Variants in ARHGEF26 observed in about 807,000 individuals in gnomAD.
ARHGEF26 encodes Rho guanine nucleotide exchange factor (GEF) 26.
ARHGEF26 carries 59 observed loss-of-function variants against 89.4 expected under a neutral mutation model. That is an observed-to-expected ratio of 0.66 (90% CI 0.54 to 0.82). The LOEUF is 0.82. ARHGEF26 is among the 40% of genes least tolerant of loss of function. ARHGEF26 has a pLI of 0.00. For synonymous variants in ARHGEF26, 500 were observed against 428.4 expected (o/e 1.17, Z -2.06); for missense variants, 1,234 against 1,085.6 (o/e 1.14, Z -1.92).
intron 6 of ARHGEF26, among the ~76,000 whole-genome samples, chr3:154,183,683 T>C (rs150724121): frequency 6.6e-6 from 1 of 152,350 alleles, no homozygotes; most frequent in Non-Finnish European, 1.5e-5. Flanking sequence ...ATTATGTCAA[T>C]GTAAAAATAA....
intron 4 of ARHGEF26, among the ~76,000 whole-genome samples, chr3:154,146,750 C>T (rs982017853): frequency 1.3e-5 from 2 of 152,110 alleles, no homozygotes; most frequent in African/African-American, 4.8e-5. Context: ...CATGTCAAAA[C>T]TGTAGTATTG....
intron 11 of ARHGEF26, among the ~76,000 whole-genome samples, chr3:154,237,712 A>G (rs1416255237): frequency 6.6e-6 from 1 of 152,194 alleles, no homozygotes; most frequent in Non-Finnish European, 1.5e-5. Flanking sequence ...TGATGACTTT[A>G]TAGCATATTC....
At chr3:154,206,516 A>G (rs1169121208) in intron 9 of ARHGEF26, among the ~76,000 whole-genome samples, 2 of 152,146 alleles carry the variant, frequency 1.3e-5, no homozygotes, top group African/African-American at 4.8e-5. Context: ...ATTCATAATT[A>G]ACACAAAAAG....
chr3:154,205,491 T>G (rs1376641246), intron 9 of ARHGEF26, among the ~76,000 whole-genome samples: 1 of 152,154 alleles, frequency 6.6e-6, no homozygotes, highest in Admixed American at 6.6e-5. Flanking sequence ...ATTAGAGAGT[T>G]TAGTCCATTT....
chr3:154,220,756 G>GA (rs1716076993), intron 10 of ARHGEF26, among the ~76,000 whole-genome samples: 1 of 151,976 alleles, frequency 6.6e-6, no homozygotes, highest in African/African-American at 2.4e-5. Flanking sequence ...CAGCAATGGG[G>GA]AAAGGCTTTT....
Position 154,255,343 on chromosome 3 carries a change from G to T in ARHGEF26, c.2486G>T (p.Gly829Val). Residue 829 changes from glycine (G) to valine (V), a missense_variant, in exon 15 of 15, where the codon GGG (glycine) becomes GTG (valine). Transcript: ENST00000465093. ...YQRVSDGWYE[G>V]ERLRDGERGW... ...TTCTTTTTCACAGGCTGGTATGAGG[G>T]GGAACGACTACGAGATGGAGAAAGA... is the stretch of plus-strand genomic sequence containing the variant. 6.2e-7 allele frequency: 1 copy of T among 1,613,066 alleles called. No homozygotes were observed. Among genetic ancestry groups the T allele is most frequent in the African/African-American group, 1.3e-5 (1 of 74,884 alleles).
chr3:154,167,812 A>G lies in ARHGEF26; in HGVS notation c.1487+14880A>G, dbSNP rs532899337. Among the ~76,000 whole-genome samples, 7 of 152,318 alleles carry G rather than the reference A, an allele frequency of 4.6e-5. No homozygotes were observed. In the East Asian group the frequency reaches 1.3e-3, roughly 29 times the overall value. On this transcript the variant is annotated intron_variant, in intron 6 of 14. Coordinates refer to ENST00000465093, the MANE Select transcript of ARHGEF26 (RefSeq NM_015595.4). ...CCTGTCAATTTATTTAGCTTACGGA[A>G]AAGTCATCTGATCTATACTTCAGGT...
intron 3 of ARHGEF26, among the ~76,000 whole-genome samples, chr3:154,128,360 C>T (rs1287737970): frequency 1.3e-5 from 2 of 152,050 alleles, no homozygotes; most frequent in African/African-American, 4.8e-5. Context: ...GCCTCAGCCT[C>T]CCGAGTAGCT....
At chr3:154,198,831 T>C (rs1199275142) in intron 9 of ARHGEF26, among the ~76,000 whole-genome samples, 2 of 151,960 alleles carry the variant, frequency 1.3e-5, no homozygotes, top group Non-Finnish European at 2.9e-5. Flanking sequence ...CTAAAGAACT[T>C]CTCCATGGAA....
chr3:154,149,140 G>C (rs1207639490), intron 4 of ARHGEF26, among the ~76,000 whole-genome samples: 1 of 152,178 alleles, frequency 6.6e-6, no homozygotes, highest in East Asian at 1.9e-4. Flanking sequence ...AACAGTATCA[G>C]CTTTCTAGAG....
intron 6 of ARHGEF26, among the ~76,000 whole-genome samples, chr3:154,175,974 C>T (rs1328009382): frequency 6.6e-6 from 1 of 152,174 alleles, no homozygotes; most frequent in East Asian, 1.9e-4. Flanking sequence ...GTTATTAGCA[C>T]AGGTGCCAGG....
intron 9 of ARHGEF26, among the ~76,000 whole-genome samples, chr3:154,210,222 C>T (rs958360357): frequency 2.0e-5 from 3 of 152,086 alleles, no homozygotes; most frequent in African/African-American, 7.2e-5. Context: ...CCCCAGGAGC[C>T]TGCTTGGTGT....
chr3:154,240,391 T>C lies in ARHGEF26; in HGVS notation c.2112T>C (p.Asn704=). 6.2e-7 allele frequency: 1 copy of C among 1,610,386 alleles called. No individual in the cohort carries two copies. Residue 704 remains asparagine, a synonymous_variant, in exon 12 of 15, where the codon AAT becomes AAC. Transcript: ENST00000465093. The part of the protein sequence containing the change: ...KKKSEESYNV[N]DYSLRDQLLV... ...ACAGTGAAGAAAGTTACAACGTCAA[T>C]GATTATTCCTTAAGAGATCAGCTAT...
At chr3:154,189,452 C>G (rs1713811919) in intron 7 of ARHGEF26, among the ~76,000 whole-genome samples, 1 of 151,630 alleles carries the variant, frequency 6.6e-6, no homozygotes, top group Non-Finnish European at 1.5e-5. Flanking sequence ...ATTCTCCTGC[C>G]TCAGCCTCCC....
At chr3:154,203,645 G>T (rs1714810926) in intron 9 of ARHGEF26, among the ~76,000 whole-genome samples, 1 of 151,918 alleles carries the variant, frequency 6.6e-6, no homozygotes, top group African/African-American at 2.4e-5. Flanking sequence ...ATCATGTTGG[G>T]GTATGCTCCT....
At chr3:154,168,453 T>C (rs919075634) in intron 6 of ARHGEF26, among the ~76,000 whole-genome samples, 1 of 152,110 alleles carries the variant, frequency 6.6e-6, no homozygotes, top group African/African-American at 2.4e-5. Flanking sequence ...GGCACATGCC[T>C]GTAGTCCCAC....
In ARHGEF26 at chr3:154,187,696, A is replaced by G; in HGVS notation, c.1499A>G (p.Glu500Gly). The G allele has an allele frequency of 6.2e-7, 1 of 1,604,878 alleles. No homozygotes were observed. The highest frequency in any genetic ancestry group is 8.5e-7 in the Non-Finnish European group (1 of 1,175,524). Residue 500 changes from glutamate (E) to glycine (G), a missense_variant, in exon 7 of 15, where the codon GAG becomes GGG. Coordinates refer to ENST00000465093, the MANE Select transcript of ARHGEF26 (RefSeq NM_015595.4). ...VCEASKKFFI[E>G]LEARHQNNIF... ...CTTTGGTTTTTCAGGTTCTTTATAGAGTTGGAAGCAAGACATCAGAATAAT... is the reference window on the plus strand; with the variant it reads ...CTTTGGTTTTTCAGGTTCTTTATAGGGTTGGAAGCAAGACATCAGAATAAT...
chr3:154,161,460 A>C (rs1377090049), intron 6 of ARHGEF26, among the ~76,000 whole-genome samples: 1 of 152,160 alleles, frequency 6.6e-6, no homozygotes, highest in Non-Finnish European at 1.5e-5. Flanking sequence ...GCTTAGCATA[A>C]CACTAGACAA....
intron 10 of ARHGEF26, among the ~76,000 whole-genome samples, chr3:154,223,299 CA>C (rs1716256926): frequency 2.0e-5 from 3 of 151,938 alleles, no homozygotes; most frequent in Admixed American, 1.3e-4. Flanking sequence ...GTTAGTTTCC[CA>C]AAAATCTAAA....
Sources: gnomAD v4.1 joint callset for allele counts (sites outside exome capture counted in the v4.1 genomes callset) on GRCh38, gnomAD v4.1.1 for gene constraint, MANE v1.5 for transcripts, NCBI Gene and HGNC (gene_info 2026-07-23, HGNC 2026-07-21) for gene names.